Variants in AKAP6 observed in about 807,000 individuals in gnomAD.
AKAP6 encodes A-kinase anchoring protein 6, also known as A-kinase anchor protein 6.
A neutral mutation model predicts 188.5 loss-of-function variants in AKAP6; 58 were observed. The ratio of observed to expected loss-of-function variants is 0.31; its 90% confidence interval spans 0.25 to 0.38. The LOEUF (loss-of-function observed/expected upper bound fraction) is 0.38. Among genes scored for constraint, AKAP6 ranks in the 10% least tolerant of loss-of-function variants. AKAP6 has a pLI of 1.00. For synonymous variants in AKAP6, 989 were observed against 998.6 expected (o/e 0.99, Z 0.18); for missense variants, 2,710 against 2,740.0 (o/e 0.99, Z 0.24).
At chr14:32,562,771 A>G (rs544424890) in intron 4 of AKAP6, among the ~76,000 whole-genome samples, 1 of 152,266 alleles carries the variant, frequency 6.6e-6, no homozygotes, top group South Asian at 2.1e-4. Flanking sequence ...AAATAAATAG[A>G]TAGGTAGATA....
chr14:32,542,241 G>A (rs573570143), intron 3 of AKAP6, among the ~76,000 whole-genome samples: 1 of 152,272 alleles, frequency 6.6e-6, no homozygotes, highest in East Asian at 1.9e-4. Context: ...AATTATTGGA[G>A]TTAACTAAAA....
intron 8 of AKAP6, among the ~76,000 whole-genome samples, chr14:32,692,237 C>T (rs528272556): frequency 6.6e-6 from 1 of 151,910 alleles, no homozygotes; most frequent in Non-Finnish European, 1.5e-5. Context: ...GACTTTTGTT[C>T]GAAGGCCCAT....
At chr14:32,577,468 G>T (rs1034440275) in intron 5 of AKAP6, among the ~76,000 whole-genome samples, 3 of 152,050 alleles carry the variant, frequency 2.0e-5, no homozygotes, top group Non-Finnish European at 2.9e-5. Context: ...TTCCTGGAAG[G>T]ATAAGTAATT....
intron 1 of AKAP6, among the ~76,000 whole-genome samples, chr14:32,422,651 A>T (rs992557550): frequency 1.3e-5 from 2 of 152,152 alleles, no homozygotes; most frequent in African/African-American, 2.4e-5. Flanking sequence ...CAACCCTTTG[A>T]CCACATGGTT....
chr14:32,681,851 T>C (rs1171737731), intron 8 of AKAP6, among the ~76,000 whole-genome samples: 1 of 152,094 alleles, frequency 6.6e-6, no homozygotes, highest in African/African-American at 2.4e-5. Flanking sequence ...GCTGATTTTT[T>C]GTACTTTTAG....
chr14:32,696,030 T>A lies in AKAP6; in HGVS notation c.2920T>A (p.Trp974Arg). Residue 974 changes from tryptophan to arginine, a missense_variant, in exon 9 of 14, where the codon TGG (tryptophan) becomes AGG (arginine). Trp to Arg is a moderately radical substitution (Grantham distance 101, BLOSUM62 -3). Coordinates refer to ENST00000280979, the MANE Select transcript of AKAP6 (RefSeq NM_004274.5). Reference sequence around the variant, plus strand: ...TTCAGAATATCAGGAGCTCTGGGATTGGCTGATTGACATGGAGTCCCTTGT... The same window carrying A: ...TTCAGAATATCAGGAGCTCTGGGATAGGCTGATTGACATGGAGTCCCTTGT... ...FDSEYQELWD[W>R]LIDMESLVMD... is the part of the protein sequence containing the mutation. 1 of 1,613,122 alleles carries A rather than the reference T, an allele frequency of 6.2e-7. No homozygotes were observed. Among genetic ancestry groups the A allele is most frequent in the Non-Finnish European group, 8.5e-7 (1 of 1,179,748 alleles).
intron 2 of AKAP6, among the ~76,000 whole-genome samples, chr14:32,486,620 C>T: frequency 6.6e-6 from 1 of 152,206 alleles, no homozygotes; most frequent in East Asian, 1.9e-4. Flanking sequence ...CTCTGTTTGT[C>T]TGTTGTTGTT....
intron 7 of AKAP6, among the ~76,000 whole-genome samples, chr14:32,606,188 A>C (rs944094655): frequency 8.5e-5 from 13 of 152,172 alleles, no homozygotes; most frequent in Non-Finnish European, 1.5e-4. Flanking sequence ...ATATGCTTAT[A>C]ATTATATATT....
In AKAP6 at chr14:32,598,683, A is replaced by AG. The variant is rs568195918; in HGVS notation, c.2470-721dup. ...ATAGAAGCAGATATAAGGAGCGGAG[A>AG]GGGGGGAGTAATTAATTCCACATAA... On this transcript the variant is annotated intron_variant, in intron 5 of 13. Transcript: ENST00000280979. Among the ~76,000 whole-genome samples the AG allele has an allele frequency of 1.5e-4, 23 of 152,264 alleles. No homozygotes were observed. The South Asian group carries it at 4.8e-3, about 32-fold the overall frequency.
intron 11 of AKAP6, among the ~76,000 whole-genome samples, chr14:32,754,916 G>A (rs1404968226): frequency 2.0e-5 from 3 of 152,096 alleles, no homozygotes; most frequent in Non-Finnish European, 4.4e-5. Context: ...TTCTCATGCT[G>A]CTTTCAATAT....
intron 1 of AKAP6, among the ~76,000 whole-genome samples, chr14:32,392,227 C>T (rs975013008): frequency 6.6e-6 from 1 of 152,092 alleles, no homozygotes; most frequent in Non-Finnish European, 1.5e-5. Flanking sequence ...GCTTGTTTTT[C>T]ACAGGGTTAG....
intron 9 of AKAP6, among the ~76,000 whole-genome samples, chr14:32,717,734 T>A (rs2030303055): frequency 6.6e-6 from 1 of 152,036 alleles, no homozygotes; most frequent in African/African-American, 2.4e-5. Flanking sequence ...ATAACCAAGG[T>A]TTGTTCTCTA....
chr14:32,745,098 C>CAAAA (rs777304012), intron 11 of AKAP6, among the ~76,000 whole-genome samples: 1 of 152,070 alleles, frequency 6.6e-6, no homozygotes, highest in African/African-American at 2.4e-5. Flanking sequence ...CTGGACTGGT[C>CAAAA]TCTTGTGCCT....
At chr14:32,778,347 T>G (rs1402790481) in intron 12 of AKAP6, among the ~76,000 whole-genome samples, 1 of 152,192 alleles carries the variant, frequency 6.6e-6, no homozygotes, top group Non-Finnish European at 1.5e-5. Context: ...TTAAATCAAG[T>G]TGATAACAGC....
chr14:32,502,393 G>C (rs8013209), intron 2 of AKAP6, among the ~76,000 whole-genome samples: 42,616 of 151,952 alleles, frequency 0.28, 6,281 homozygotes, highest in East Asian at 0.37. Flanking sequence ...CAGTTTAATT[G>C]GACCACTGCC....
intron 1 of AKAP6, among the ~76,000 whole-genome samples, chr14:32,389,517 G>C (rs1888639593): frequency 6.6e-6 from 1 of 151,936 alleles, no homozygotes; most frequent in Non-Finnish European, 1.5e-5. Context: ...AGCTCCTTTT[G>C]GCAGTTCTTG....
intron 2 of AKAP6, among the ~76,000 whole-genome samples, chr14:32,467,119 G>A (rs35901369): frequency 0.34 from 50,840 of 149,468 alleles, 10,262 homozygotes; most frequent in Non-Finnish European, 0.47. Flanking sequence ...CCTCGGTGAC[G>A]AGACAATTTT....
At chr14:32,486,006 G>A (rs957061476) in intron 2 of AKAP6, among the ~76,000 whole-genome samples, 3 of 152,184 alleles carry the variant, frequency 2.0e-5, no homozygotes, top group African/African-American at 7.2e-5. Flanking sequence ...AAGGTGTAAG[G>A]AAGGGGTCTA....
At chr14:32,406,368 C>T (rs982146946) in intron 1 of AKAP6, among the ~76,000 whole-genome samples, 5 of 152,090 alleles carry the variant, frequency 3.3e-5, no homozygotes, top group African/African-American at 7.2e-5. Flanking sequence ...TGCCACTATG[C>T]CCAGCTAATT....
Sources: allele counts gnomAD v4.1 joint callset (sites outside exome capture counted in the v4.1 genomes callset), GRCh38; gene constraint gnomAD v4.1.1; transcripts MANE v1.5; gene names NCBI Gene and HGNC (gene_info 2026-07-23, HGNC 2026-07-21).